SSX2IP: variants seen among roughly 807,000 people sequenced by gnomAD.
SSX2IP encodes the protein afadin- and alpha-actinin-binding protein.
A neutral mutation model predicts 84.9 loss-of-function variants in SSX2IP; 55 were observed. The ratio of observed to expected loss-of-function variants is 0.65; its 90% CI spans 0.52 to 0.81. The LOEUF (loss-of-function observed/expected upper bound fraction) is 0.81. Among genes scored for constraint, SSX2IP ranks in the 30% least tolerant of loss-of-function variants. The probability of loss-of-function intolerance (pLI) is 0.00; values close to 1 mark genes in which losing one functional copy is unlikely to be tolerated. For missense variants in SSX2IP, 664 were observed against 705.2 expected (o/e 0.94, Z 0.66); for synonymous variants, 239 against 234.7 (o/e 1.02, Z -0.17).
At position 84,682,850 on chromosome 1, in the gene SSX2IP, A is replaced by G. The variant is rs189990308; in HGVS notation, c.-90+7521T>C. On this transcript the variant is annotated intron_variant, in intron 1 of 13. Transcript: ENST00000342203. ...GTGCACACATTGTCTTTACAACCCA[A>G]TGTTTAGCAAATGAGATTCTACCTA... Among the ~76,000 whole-genome samples the G allele has an allele frequency of 7.2e-5, 11 of 152,220 alleles. No homozygotes were observed. In the East Asian group the frequency reaches 1.9e-3, roughly 27 times the overall value.
At chr1:84,669,625 T>C (rs140218621) in intron 4 of SSX2IP, 56 bp downstream of exon 4, 2 of 1,382,974 alleles carry the variant, frequency 1.4e-6, no homozygotes, top group African/African-American at 2.9e-5. Flanking sequence ...TCAGTAAAAA[T>C]TTATAGTACT....
At chr1:84,663,999 C>A (rs940348967) in intron 6 of SSX2IP, among the ~76,000 whole-genome samples, 10 of 152,132 alleles carry the variant, frequency 6.6e-5, no homozygotes, top group African/African-American at 2.4e-4. Context: ...CAAAAATGTA[C>A]AGCTAAACTT....
At chr1:84,651,122 C>T (rs1396685907) in intron 12 of SSX2IP, among the ~76,000 whole-genome samples, 3 of 152,088 alleles carry the variant, frequency 2.0e-5, no homozygotes, top group Admixed American at 1.3e-4. Flanking sequence ...TGAGACCAGC[C>T]TGGGTAGTAT....
At chr1:84,656,054 CCAA>C (rs1297809549) in intron 10 of SSX2IP, 49 bp from the exon 11 acceptor site, 1 of 1,504,488 alleles carries the variant, frequency 6.6e-7, no homozygotes, top group Non-Finnish European at 9.0e-7. Context: ...TTGCGACACT[CCAA>C]CGAGTTGAAA....
intron 3 of SSX2IP, 85 bp from the exon 4 acceptor site, chr1:84,669,978 GA>G: frequency 1.1e-6 from 1 of 934,800 alleles, no homozygotes; most frequent in Non-Finnish European, 1.6e-6. Flanking sequence ...TAGATAGGAA[GA>G]ATAAGTTTAA....
intron 8 of SSX2IP, among the ~76,000 whole-genome samples, chr1:84,661,810 G>A (rs1267578821): frequency 6.6e-6 from 1 of 152,142 alleles, no homozygotes. Context: ...ACTGTCATGT[G>A]TGATACTGGG....
chr1:84,690,375 A>G lies in SSX2IP; in HGVS notation c.-94T>C, dbSNP rs1656459877. On this transcript the variant is annotated 5_prime_UTR_variant, in exon 1 of 14. Coordinates refer to ENST00000342203, the MANE Select transcript of SSX2IP (RefSeq NM_001166293.2). The stretch of plus-strand genomic sequence containing the variant: ...ACGCGAGGCGCTGCTGCTCACCGTC[A>G]CGGCCCCCGGGAGCGGCGGGGAGTC... The G allele has an allele frequency of 6.9e-6, 1 of 144,426 alleles. No homozygotes were observed. The highest frequency in any genetic ancestry group is 2.6e-5 in the African/African-American group (1 of 38,350). The allele number at this position is 144,426 out of a possible 1,614,324, so 8.9% of individuals were successfully genotyped here.
chr1:84,664,927 T>C (rs1652549613), intron 5 of SSX2IP, among the ~76,000 whole-genome samples: 1 of 152,186 alleles, frequency 6.6e-6, no homozygotes, highest in Non-Finnish European at 1.5e-5. Context: ...TTATACTTTT[T>C]ATTAATCTGT....
intron 5 of SSX2IP, among the ~76,000 whole-genome samples, chr1:84,665,027 A>C (rs1652568907): frequency 6.6e-6 from 1 of 152,196 alleles, no homozygotes; most frequent in African/African-American, 2.4e-5. Flanking sequence ...GAGTAAGTCC[A>C]AACAGCAGAA....
intron 6 of SSX2IP, among the ~76,000 whole-genome samples, chr1:84,663,625 T>C (rs1652352003): frequency 6.6e-6 from 1 of 152,156 alleles, no homozygotes; most frequent in Admixed American, 6.5e-5. Context: ...GCAGGCAGAG[T>C]CTACCACATG....
At chr1:84,680,227 T>A (rs1168843569) in intron 1 of SSX2IP, 1 of 152,178 alleles carries the variant, frequency 6.6e-6, no homozygotes, top group Non-Finnish European at 1.5e-5. Flanking sequence ...TTCTTTAAAT[T>A]CCTTATATAT....
intron 10 of SSX2IP, 84 bp from the exon 11 acceptor site, chr1:84,656,089 C>A: frequency 8.0e-7 from 1 of 1,254,090 alleles, no homozygotes; most frequent in South Asian, 1.4e-5. Context: ...GAAGGCCAGT[C>A]AAACTTCAGG....
intron 1 of SSX2IP, among the ~76,000 whole-genome samples, chr1:84,677,271 G>T (rs780062871): frequency 1.3e-5 from 2 of 152,036 alleles, no homozygotes; most frequent in Non-Finnish European, 2.9e-5. Context: ...CAATAGCTTT[G>T]TTCTTGTTTA....
chr1:84,685,219 T>C (rs1655618548), intron 1 of SSX2IP, among the ~76,000 whole-genome samples: 1 of 152,232 alleles, frequency 6.6e-6, no homozygotes. Context: ...TCCTTGGCCT[T>C]ACTGCCAACT....
At chr1:84,655,137 C>T (rs748108867) in intron 11 of SSX2IP, among the ~76,000 whole-genome samples, 3 of 152,004 alleles carry the variant, frequency 2.0e-5, no homozygotes, top group South Asian at 2.1e-4. Flanking sequence ...AGCAGGGAAT[C>T]AATGAACTGA....
chr1:84,655,248 C>G, intron 11 of SSX2IP: 2 of 847,106 alleles, frequency 2.4e-6, no homozygotes, highest in East Asian at 9.2e-5. Context: ...AGGAATGAAA[C>G]TGAGGATGAG....
chr1:84,652,989 G>A (rs553386542), intron 11 of SSX2IP, among the ~76,000 whole-genome samples: 4 of 151,428 alleles, frequency 2.6e-5, no homozygotes, highest in Admixed American at 1.3e-4. Flanking sequence ...CCAAGATCAC[G>A]CCACTGCACT....
At position 84,655,966 on chromosome 1, in the gene SSX2IP, G is replaced by C. The variant is rs780583421; in HGVS notation, c.1255C>G (p.Leu419Val). Residue 419 changes from leucine to valine, a missense_variant, in exon 11 of 14, where the codon CTA becomes GTA. Leu to Val is a conservative substitution (Grantham distance 32). Coordinates refer to ENST00000342203, the MANE Select transcript of SSX2IP (RefSeq NM_001166293.2). ...TCCAACAAATAACAGTCTCGTAATA[G>C]TGAAGTGGTATCATCATCATATGCA... The part of the protein sequence containing the change: ...ATAYDDDTTS[L>V]LRDCYLLEEK... 4 of 1,613,418 alleles carry C rather than the reference G, an allele frequency of 2.5e-6. No individual in the cohort carries two copies. The highest frequency in any genetic ancestry group is 3.4e-6 in the Non-Finnish European group (4 of 1,179,906).
intron 8 of SSX2IP, among the ~76,000 whole-genome samples, chr1:84,661,249 T>G (rs555137974): frequency 1.1e-4 from 16 of 152,236 alleles, no homozygotes; most frequent in African/African-American, 3.6e-4. Context: ...GCATTTTCCA[T>G]CAACATTATT....
Sources: gnomAD v4.1 joint callset for allele counts (sites outside exome capture counted in the v4.1 genomes callset) on GRCh38, gnomAD v4.1.1 for gene constraint, MANE v1.5 for transcripts, NCBI Gene and HGNC (gene_info 2026-07-23, HGNC 2026-07-21) for gene names.